CADPS: variants seen among roughly 807,000 people sequenced by gnomAD.
CADPS encodes calcium dependent secretion activator, also known as calcium-dependent secretion activator 1.
Under a neutral mutation model 167.3 loss-of-function variants are expected in CADPS, and 57 were observed. That is an observed-to-expected ratio of 0.34 (90% confidence interval 0.28 to 0.42). The LOEUF (loss-of-function observed/expected upper bound fraction) is 0.42, where lower values mean the gene tolerates loss of function less well. CADPS is among the 20% of genes least tolerant of loss of function. CADPS has a pLI of 1.00. For missense variants in CADPS, 1,414 were observed against 1,738.1 expected, an observed-to-expected ratio of 0.81 and a Z score of 3.32; for synonymous variants, 676 against 635.3, an observed-to-expected ratio of 1.06 and a Z score of -0.96.
intron 1 of CADPS, among the ~76,000 whole-genome samples, chr3:62,850,880 A>T (rs974771605): frequency 1.3e-5 from 2 of 151,922 alleles, no homozygotes; most frequent in African/African-American, 4.8e-5. Context: ...GGGGTGTTAC[A>T]GTCTCCCATT....
At chr3:62,444,554 C>A (rs1231500395) in intron 27 of CADPS, among the ~76,000 whole-genome samples, 1 of 152,138 alleles carries the variant, frequency 6.6e-6, no homozygotes, top group Non-Finnish European at 1.5e-5. Flanking sequence ...AAGTTCTCTC[C>A]CTGCTGCAGT....
chr3:62,777,567 A>T (rs1278578615), intron 1 of CADPS, among the ~76,000 whole-genome samples: 1 of 152,216 alleles, frequency 6.6e-6, no homozygotes, highest in Non-Finnish European at 1.5e-5. Flanking sequence ...ATGTATCTGT[A>T]TTGGCTCATC....
chr3:62,435,725 C>T (rs1039804871), intron 28 of CADPS, among the ~76,000 whole-genome samples: 6 of 151,748 alleles, frequency 4.0e-5, no homozygotes, highest in African/African-American at 1.5e-4. Context: ...AATAGTTAAG[C>T]CTTTACCATC....
At chr3:62,534,626 T>C (rs1232705222) in intron 12 of CADPS, among the ~76,000 whole-genome samples, 1 of 152,112 alleles carries the variant, frequency 6.6e-6, no homozygotes, top group Non-Finnish European at 1.5e-5. Flanking sequence ...ATAGCTGCTT[T>C]GAAAAGAGTT....
At chr3:62,451,187 T>C (rs2057994116) in intron 26 of CADPS, among the ~76,000 whole-genome samples, 1 of 152,112 alleles carries the variant, frequency 6.6e-6, no homozygotes, top group African/African-American at 2.4e-5. Flanking sequence ...ACTTAGCCAG[T>C]GTAGACAGGC....
intron 1 of CADPS, among the ~76,000 whole-genome samples, chr3:62,862,270 G>A (rs887871100): frequency 4.0e-5 from 6 of 148,446 alleles, no homozygotes; most frequent in Non-Finnish European, 8.9e-5. Context: ...AGTCTGGGGT[G>A]CTGTGATGCT....
chr3:62,565,039 G>A (rs528475325), intron 9 of CADPS, among the ~76,000 whole-genome samples: 1 of 152,292 alleles, frequency 6.6e-6, no homozygotes, highest in South Asian at 2.1e-4. Flanking sequence ...ACGGGGTGGG[G>A]CGTTCTGGCT....
intron 26 of CADPS, among the ~76,000 whole-genome samples, chr3:62,462,391 A>C (rs1037155889): frequency 1.3e-5 from 2 of 152,236 alleles, no homozygotes; most frequent in African/African-American, 2.4e-5. Flanking sequence ...GGAGACGAGA[A>C]ATAAATATTC....
At chr3:62,863,618 A>ATT (rs1389611263) in intron 1 of CADPS, among the ~76,000 whole-genome samples, 17 of 152,152 alleles carry the variant, frequency 1.1e-4, no homozygotes, top group Non-Finnish European at 2.1e-4. Flanking sequence ...GTGTGCAGGA[A>ATT]AACTGAAGTA....
At position 62,549,883 on chromosome 3, in the gene CADPS, A is replaced by G; in HGVS notation, c.1966+20T>C. 6.3e-7 allele frequency: 1 copy of G among 1,593,552 alleles called. No individual in the cohort carries two copies. Among genetic ancestry groups the G allele is most frequent in the Non-Finnish European group, 8.6e-7 (1 of 1,162,224 alleles). On this transcript the variant is annotated intron_variant, in intron 11 of 29. Transcript: ENST00000383710. ...CTTTACTCTACAGAGCTATTTTTGTAAAACGGCATATTTACTTACAAAATT... is the reference window on the plus strand; with the variant it reads ...CTTTACTCTACAGAGCTATTTTTGTGAAACGGCATATTTACTTACAAAATT...
At chr3:62,607,521 G>A (rs955307908) in intron 6 of CADPS, among the ~76,000 whole-genome samples, 16 of 152,222 alleles carry the variant, frequency 1.1e-4, no homozygotes, top group African/African-American at 3.9e-4. Flanking sequence ...GCACTTGAGT[G>A]TCCCCAACAT....
At position 62,399,135 on chromosome 3, in the gene CADPS, C is replaced by T. The variant is rs1705000145; in HGVS notation, c.*271G>A. 2.9e-6 allele frequency: 1 copy of T among 349,988 alleles called. No homozygotes were observed. The highest frequency in any genetic ancestry group is 5.3e-6 in the Non-Finnish European group (1 of 188,242). 21.7% of individuals were successfully genotyped at this position (349,988 alleles called of 1,614,324 possible). ...GATCTTTGCTGATAACAGGGACACGCCTAGTGGTTAGACTATGTATTCTCC... is the reference window on the plus strand; with the variant it reads ...GATCTTTGCTGATAACAGGGACACGTCTAGTGGTTAGACTATGTATTCTCC... On this transcript the variant is annotated 3_prime_UTR_variant, in exon 30 of 30. Transcript: ENST00000383710. The surrounding 1 kb of genome is among the most constrained non-coding windows in gnomAD (Gnocchi z 5.6).
intron 21 of CADPS, 61 bp downstream of exon 21, chr3:62,491,278 C>T: frequency 6.5e-7 from 1 of 1,528,904 alleles, no homozygotes; most frequent in South Asian, 1.2e-5. Flanking sequence ...TAATCCATTT[C>T]TGTATTACTC....
chr3:62,653,271 T>C (rs922247972), intron 4 of CADPS, among the ~76,000 whole-genome samples: 31 of 152,124 alleles, frequency 2.0e-4, no homozygotes, highest in Admixed American at 1.8e-3. Context: ...GCCCTCATGA[T>C]GGAACTAGTG....
At position 62,726,918 on chromosome 3, in the gene CADPS, G is replaced by A. The variant is rs542877375; in HGVS notation, c.888+26523C>T. 7.2e-5 allele frequency among the ~76,000 whole-genome samples: 11 copies of A among 151,834 alleles called. No homozygotes were observed. In the South Asian group the frequency reaches 8.3e-4, roughly 11 times the overall value. ...CATGGACTTGTACAGGTTTTTGCAC[G>A]CATCTCTTTAAAAAGAAGTCATTGC... On this transcript the variant is annotated intron_variant, in intron 3 of 29. Transcript: ENST00000383710.
intron 3 of CADPS, among the ~76,000 whole-genome samples, chr3:62,722,508 C>G (rs2076011215): frequency 6.6e-6 from 1 of 152,224 alleles, no homozygotes. Context: ...TGGCTGAGAT[C>G]CTGTGTCACA....
intron 10 of CADPS, among the ~76,000 whole-genome samples, chr3:62,556,179 T>G (rs938975075): frequency 6.6e-6 from 1 of 152,228 alleles, no homozygotes; most frequent in Admixed American, 6.5e-5. Flanking sequence ...ATCCTTTCCA[T>G]GAGAAGTTGC....
chr3:62,544,913 A>T lies in CADPS; in HGVS notation c.1966+4990T>A. On this transcript the variant is annotated intron_variant, in intron 11 of 29. Coordinates refer to ENST00000383710, the MANE Select transcript of CADPS (RefSeq NM_003716.4). This position sits in a 1 kb window ranked among gnomAD's most constrained non-coding sequence, Gnocchi z 4.4. ...AACCAGAATAACATAAAGACTAGCA[A>T]CAAGGCTCAGGAAAGCAGACAGGAG... The T allele has an allele frequency of 8.7e-7, 1 of 1,148,486 alleles. No homozygotes were observed. The allele number at this position is 1,148,486 out of a possible 1,614,324, so 71.1% of individuals were successfully genotyped here.
At chr3:62,806,045 A>G (rs1373642741) in intron 1 of CADPS, among the ~76,000 whole-genome samples, 1 of 152,022 alleles carries the variant, frequency 6.6e-6, no homozygotes, top group African/African-American at 2.4e-5. Context: ...CCTTCTTTAA[A>G]TAATCCCTTC....
Sources: allele counts gnomAD v4.1 joint callset (sites outside exome capture counted in the v4.1 genomes callset), GRCh38; gene constraint gnomAD v4.1.1; non-coding constraint Gnocchi (gnomAD v3.1); transcripts MANE v1.5; gene names NCBI Gene and HGNC (gene_info 2026-07-23, HGNC 2026-07-21).